Variants in MAST2 observed in about 807,000 individuals in gnomAD.
MAST2 encodes the protein microtubule associated serine/threonine kinase 2.
In MAST2, 70 loss-of-function variants were observed where a neutral mutation model predicts 147.4. The observed-to-expected ratio is 0.47, with a 90% CI of 0.39 to 0.58. MAST2 has a LOEUF of 0.58. Among genes scored for constraint, MAST2 ranks in the 20% least tolerant of loss-of-function variants. MAST2 has a pLI of 0.00. For missense variants in MAST2, 2,080 were observed against 2,302.3 expected, an observed-to-expected ratio of 0.90 and a Z score of 1.98; for synonymous variants, 869 against 896.8, an observed-to-expected ratio of 0.97 and a Z score of 0.55.
At chr1:45,840,571 C>T (rs1489268646) in intron 3 of MAST2, among the ~76,000 whole-genome samples, 1 of 152,158 alleles carries the variant, frequency 6.6e-6, no homozygotes, top group Non-Finnish European at 1.5e-5. Flanking sequence ...TTCGCTCATG[C>T]AGTTTTTAGG....
chr1:46,034,886 A>G lies in MAST2; in HGVS notation c.4217A>G (p.Gln1406Arg). The change falls in exon 29 of 29, where the codon CAG becomes CGG. Residue 1406 changes from glutamine to arginine, a missense_variant. Gln to Arg is a conservative substitution (Grantham distance 43, BLOSUM62 1). This residue lies in a region of MAST2 where 1,278 missense variants were observed against 1,304.2 expected (regional missense o/e 0.98). Transcript: ENST00000361297. Reference sequence around the variant, plus strand: ...CGTTCACCACTACTCAAGAGGGTGCAGTCGGCTGAGAAACTGGCAGCAGCA... The same window carrying G: ...CGTTCACCACTACTCAAGAGGGTGCGGTCGGCTGAGAAACTGGCAGCAGCA... ...PPRSPLLKRVQSAEKLAAALA... is the reference protein window; with the variant it reads ...PPRSPLLKRVRSAEKLAAALA... The G allele has an allele frequency of 6.2e-7, 1 of 1,614,232 alleles. No homozygotes were observed. The highest frequency in any genetic ancestry group is 8.5e-7 in the Non-Finnish European group (1 of 1,180,038).
intron 1 of MAST2, among the ~76,000 whole-genome samples, chr1:45,817,422 T>G (rs1316674583): frequency 1.3e-5 from 2 of 152,074 alleles, no homozygotes; most frequent in Non-Finnish European, 2.9e-5. Context: ...GAGAGAGGCA[T>G]GACATATTTA....
chr1:45,805,499 G>A lies in MAST2; in HGVS notation c.177+1427G>A, dbSNP rs79217946. Among the ~76,000 whole-genome samples the A allele has an allele frequency of 6.7e-3, 1,018 of 152,172 alleles. 7 individuals are homozygous for A. Among genetic ancestry groups the A allele is most frequent in the Middle Eastern group, 0.048 (14 of 294 alleles). On this transcript the variant is annotated intron_variant, in intron 1 of 28. Transcript: ENST00000361297. ...CTTGCTGCAATTTACTCCCCCATGT[G>A]CCTAATACTTATCTTTTACATTCTC...
At chr1:45,897,651 T>C (rs1217721571) in intron 4 of MAST2, among the ~76,000 whole-genome samples, 1 of 147,800 alleles carries the variant, frequency 6.8e-6, no homozygotes, top group East Asian at 2.0e-4. Context: ...CTACCAAAAA[T>C]ACAAAAAATT....
chr1:45,865,391 C>G (rs756223724), intron 3 of MAST2, among the ~76,000 whole-genome samples: 15 of 152,128 alleles, frequency 9.9e-5, no homozygotes, highest in Non-Finnish European at 2.1e-4. Flanking sequence ...TAAATCAGAC[C>G]TGTATGGGAT....
chr1:45,954,243 T>C (rs1171396796), intron 4 of MAST2, among the ~76,000 whole-genome samples: 1 of 152,162 alleles, frequency 6.6e-6, no homozygotes, highest in Non-Finnish European at 1.5e-5. Flanking sequence ...GGAAGCAGGC[T>C]TCCTAAGTAA....
chr1:46,025,435 C>CCACA (rs1393769737), intron 15 of MAST2, among the ~76,000 whole-genome samples: 1 of 152,224 alleles, frequency 6.6e-6, no homozygotes, highest in African/African-American at 2.4e-5. Context: ...AGGTCCCTTC[C>CCACA]CACAACACAT....
In MAST2 at chr1:45,890,984, A is replaced by G. The variant is rs180721989; in HGVS notation, c.500+8589A>G. On this transcript the variant is annotated intron_variant, in intron 4 of 28. Transcript: ENST00000361297. ...CTATTGATTTTTAAAAAATAAGCACATGTTAAATATTTAACTCATTGTTAG... is the reference window on the plus strand; with the variant it reads ...CTATTGATTTTTAAAAAATAAGCACGTGTTAAATATTTAACTCATTGTTAG... Among the ~76,000 whole-genome samples the G allele has an allele frequency of 1.2e-4, 18 of 152,150 alleles. No individual in the cohort carries two copies. The East Asian group carries it at 2.9e-3, about 24-fold the overall frequency.
At chr1:45,850,953 T>C (rs796210678) in intron 3 of MAST2, among the ~76,000 whole-genome samples, 50 of 152,208 alleles carry the variant, frequency 3.3e-4, no homozygotes, top group African/African-American at 1.1e-3. Flanking sequence ...TTTGAGCTCT[T>C]TTTTGGTTTC....
rs187675158 is a variant in MAST2, at chr1:45,975,792, G to A, written c.592+16315G>A. On this transcript the variant is annotated intron_variant, in intron 5 of 28. Coordinates refer to ENST00000361297, the MANE Select transcript of MAST2 (RefSeq NM_015112.3). Reference sequence around the variant, plus strand: ...AAAGTCACGGAGGGCTATATGCAGTGCTAAAGGGATGAGGTATGAGGAGTC... The same window carrying A: ...AAAGTCACGGAGGGCTATATGCAGTACTAAAGGGATGAGGTATGAGGAGTC... Among the ~76,000 whole-genome samples, 9 of 152,010 alleles carry A rather than the reference G, an allele frequency of 5.9e-5. No homozygotes were observed. The East Asian group carries it at 1.7e-3, about 29-fold the overall frequency.
intron 2 of MAST2, among the ~76,000 whole-genome samples, chr1:45,828,338 T>C (rs981857662): frequency 6.6e-6 from 1 of 152,176 alleles, no homozygotes; most frequent in Non-Finnish European, 1.5e-5. Flanking sequence ...TCAAGTGAGT[T>C]GAGTGATCAT....
intron 10 of MAST2, among the ~76,000 whole-genome samples, chr1:46,015,859 A>G (rs1278810083): frequency 6.6e-6 from 1 of 152,254 alleles, no homozygotes; most frequent in Non-Finnish European, 1.5e-5. Flanking sequence ...AAAGCCGGGC[A>G]GAGACACAAC....
At chr1:45,816,878 CG>C (rs945766687) in intron 1 of MAST2, among the ~76,000 whole-genome samples, 3 of 151,980 alleles carry the variant, frequency 2.0e-5, no homozygotes, top group African/African-American at 7.3e-5. Flanking sequence ...GGGGTTTCAC[CG>C]TGTCAACCAG....
Position 46,034,064 on chromosome 1 carries a change from TC to T in MAST2, c.3675-5del, listed in dbSNP as rs545189627. On this transcript the variant is annotated splice_polypyrimidine_tract_variant and splice_region_variant and intron_variant, in intron 27 of 28. Transcript: ENST00000361297. ...GCACCGACTCAGCCTTTGACCCTTA[TC>T]CCCGCAGCAGAAAAAGGAGCTCCCT... 4.7e-5 allele frequency: 75 copies of T among 1,611,700 alleles called. No individual in the cohort carries two copies. In the African/African-American group the frequency reaches 8.7e-4, roughly 19 times the overall value.
chr1:45,893,190 G>A (rs34444543), intron 4 of MAST2, among the ~76,000 whole-genome samples: 51,666 of 151,830 alleles, frequency 0.34, 9,188 homozygotes, highest in African/African-American at 0.44. Flanking sequence ...AACATTTTCA[G>A]TTTTTATTAT....
chr1:45,956,532 C>G (rs1659686338), intron 4 of MAST2, among the ~76,000 whole-genome samples: 1 of 152,212 alleles, frequency 6.6e-6, no homozygotes, highest in Non-Finnish European at 1.5e-5. Flanking sequence ...ATGGAAGTCA[C>G]AGAGAGAGCA....
intron 4 of MAST2, among the ~76,000 whole-genome samples, chr1:45,941,385 G>A (rs1037744937): frequency 1.3e-5 from 2 of 151,968 alleles, no homozygotes; most frequent in African/African-American, 2.4e-5. Flanking sequence ...TCAGCCTCCC[G>A]AGTAGCTGGG....
chr1:46,004,581 G>A (rs907241222), intron 7 of MAST2, among the ~76,000 whole-genome samples: 1 of 152,038 alleles, frequency 6.6e-6, no homozygotes, highest in Non-Finnish European at 1.5e-5. Context: ...TTGCAACTTT[G>A]ATCCAAATCA....
At chr1:45,986,178 C>A (rs556649967) in intron 5 of MAST2, among the ~76,000 whole-genome samples, 2 of 152,216 alleles carry the variant, frequency 1.3e-5, no homozygotes, top group African/African-American at 4.8e-5. Context: ...TCATAGATAC[C>A]CTTTATCAAC....
Sources: allele counts gnomAD v4.1 joint callset (sites outside exome capture counted in the v4.1 genomes callset), GRCh38; gene constraint gnomAD v4.1.1; regional missense constraint gnomAD v4.1.1; transcripts MANE v1.5; gene names NCBI Gene and HGNC (gene_info 2026-07-23, HGNC 2026-07-21).